Variants in MLIP observed in about 807,000 individuals in gnomAD.
The protein encoded by MLIP is muscular LMNA-interacting protein.
A neutral mutation model predicts 84.8 loss-of-function variants in MLIP; 79 were observed. The ratio of observed to expected loss-of-function variants is 0.93; its 90% CI spans 0.78 to 1.12. The LOEUF (loss-of-function observed/expected upper bound fraction) is 1.12, where lower values mean the gene tolerates loss of function less well. MLIP is among the 50% of genes most tolerant of loss of function. MLIP has a pLI of 0.00. For synonymous variants in MLIP, 504 were observed against 463.0 expected, an observed-to-expected ratio of 1.09 and a Z score of -1.14; for missense variants, 1,257 against 1,160.6, an observed-to-expected ratio of 1.08 and a Z score of -1.21.
intron 10 of MLIP, among the ~76,000 whole-genome samples, chr6:54,190,985 T>C (rs900923414): frequency 1.1e-4 from 17 of 151,850 alleles, no homozygotes; most frequent in African/African-American, 2.7e-4. Flanking sequence ...TTAGTAGAGA[T>C]GGGGTTTCAC....
intron 9 of MLIP, among the ~76,000 whole-genome samples, chr6:54,187,452 A>G (rs983586758): frequency 6.6e-6 from 1 of 152,216 alleles, no homozygotes; most frequent in Non-Finnish European, 1.5e-5. Context: ...TATATTTAAA[A>G]CATTAAACAT....
At chr6:54,116,274 T>C (rs1769912575) in intron 1 of MLIP, among the ~76,000 whole-genome samples, 1 of 152,174 alleles carries the variant, frequency 6.6e-6, no homozygotes, top group African/African-American at 2.4e-5. Context: ...AGTGTTACTC[T>C]GACAAGAAGG....
intron 1 of MLIP, among the ~76,000 whole-genome samples, chr6:54,121,173 A>T (rs1382125424): frequency 6.6e-6 from 1 of 152,172 alleles, no homozygotes; most frequent in Non-Finnish European, 1.5e-5. Flanking sequence ...GTGAGATTCC[A>T]GCTGATCAGC....
chr6:54,136,640 C>CA (rs1185626108), intron 3 of MLIP, 75 bp from the exon 4 acceptor site: 9 of 1,316,440 alleles, frequency 6.8e-6, no homozygotes, highest in Admixed American at 2.9e-5. Flanking sequence ...TGTATAATCG[C>CA]ACAAGTGACA....
At chr6:54,044,809 A>G (rs1764942636) in intron 1 of MLIP, among the ~76,000 whole-genome samples, 1 of 152,206 alleles carries the variant, frequency 6.6e-6, no homozygotes. Context: ...TGGAAAGGAC[A>G]GAGGGAACTA....
intron 1 of MLIP, among the ~76,000 whole-genome samples, chr6:54,058,564 T>C (rs1166469080): frequency 2.6e-5 from 4 of 152,218 alleles, no homozygotes; most frequent in Non-Finnish European, 5.9e-5. Flanking sequence ...TTTAAACAAG[T>C]AGCTATGTGA....
At chr6:54,246,877 A>G (rs1286861555) in intron 12 of MLIP, among the ~76,000 whole-genome samples, 4 of 151,966 alleles carry the variant, frequency 2.6e-5, no homozygotes, top group Admixed American at 1.3e-4. Context: ...CTAGGTGTTT[A>G]TTTCTGACAT....
chr6:54,238,465 T>C (rs1781508660), intron 12 of MLIP, among the ~76,000 whole-genome samples: 1 of 152,196 alleles, frequency 6.6e-6, no homozygotes, highest in Non-Finnish European at 1.5e-5. Flanking sequence ...TCCAACTACA[T>C]TTTCTCCCTT....
At chr6:54,202,031 A>G in intron 10 of MLIP, 74 bp from the exon 11 acceptor site, 1 of 1,098,112 alleles carries the variant, frequency 9.1e-7, no homozygotes, top group Non-Finnish European at 1.2e-6. Flanking sequence ...TGAATGACTT[A>G]ACAATAAACA....
rs55638634 is a variant in MLIP at position 54,173,921 on chromosome 6, G to A, written c.2544+4349G>A. Among the ~76,000 whole-genome samples the A allele has an allele frequency of 5.0e-3, 737 of 146,670 alleles. 3 individuals are homozygous for A. Among genetic ancestry groups the A allele is most frequent in the Non-Finnish European group, 8.4e-3 (561 of 66,936 alleles). ...CCCAGCCTCTGGTAACCATTCTTCT[G>A]CTCTCTATCTCCATGAGTTCAATTG... is the stretch of plus-strand genomic sequence containing the variant. On this transcript the variant is annotated intron_variant, in intron 9 of 13. Transcript: ENST00000502396.
intron 1 of MLIP, among the ~76,000 whole-genome samples, chr6:54,118,679 C>T (rs1402572758): frequency 2.6e-5 from 4 of 151,916 alleles, no homozygotes; most frequent in African/African-American, 9.7e-5. Context: ...TTTTAGCAAA[C>T]TAAAAAGCTT....
intron 11 of MLIP, among the ~76,000 whole-genome samples, chr6:54,225,076 A>T (rs1266758458): frequency 6.6e-6 from 1 of 152,150 alleles, no homozygotes; most frequent in Non-Finnish European, 1.5e-5. Flanking sequence ...TTTTTGAATA[A>T]TGACTTCTTT....
At chr6:54,072,274 C>A (rs942701902) in intron 1 of MLIP, among the ~76,000 whole-genome samples, 1 of 152,148 alleles carries the variant, frequency 6.6e-6, no homozygotes, top group African/African-American at 2.4e-5. Context: ...TCCAGCCCCT[C>A]ATGCTCAAGA....
At chr6:54,026,714 A>AGTGTGTGTGT (rs61442646) in intron 1 of MLIP, among the ~76,000 whole-genome samples, 3 of 149,806 alleles carry the variant, frequency 2.0e-5, no homozygotes, top group Non-Finnish European at 3.0e-5. Context: ...CTGTGTCTTC[A>AGTGTGTGTGT]GTGTGTGTGT....
intron 12 of MLIP, among the ~76,000 whole-genome samples, chr6:54,238,312 C>T (rs1781500085): frequency 6.6e-6 from 1 of 152,140 alleles, no homozygotes; most frequent in African/African-American, 2.4e-5. Context: ...CCATTCACCC[C>T]TTCTCATTTC....
intron 12 of MLIP, among the ~76,000 whole-genome samples, chr6:54,247,203 C>T (rs367953240): frequency 3.3e-5 from 5 of 152,154 alleles, no homozygotes; most frequent in African/African-American, 9.7e-5. Flanking sequence ...GTACTATGAA[C>T]ATTTTTCTTC....
intron 1 of MLIP, among the ~76,000 whole-genome samples, chr6:54,088,124 A>G (rs1156231954): frequency 1.3e-5 from 2 of 152,176 alleles, no homozygotes; most frequent in African/African-American, 4.8e-5. Flanking sequence ...AGTTTATGCA[A>G]GGTGGTTTCA....
intron 8 of MLIP, among the ~76,000 whole-genome samples, chr6:54,162,327 T>C (rs1411753720): frequency 6.6e-6 from 1 of 151,926 alleles, no homozygotes; most frequent in Non-Finnish European, 1.5e-5. Context: ...TTAGTGTGTA[T>C]GAAAATAAAG....
intron 12 of MLIP, among the ~76,000 whole-genome samples, chr6:54,239,807 A>G (rs1257433028): frequency 6.6e-6 from 1 of 151,974 alleles, no homozygotes; most frequent in Non-Finnish European, 1.5e-5. Context: ...ATAAAAAATA[A>G]AATAAAATAA....
Sources: gnomAD v4.1 joint callset for allele counts (sites outside exome capture counted in the v4.1 genomes callset) on GRCh38, gnomAD v4.1.1 for gene constraint, MANE v1.5 for transcripts, NCBI Gene and HGNC (gene_info 2026-07-23, HGNC 2026-07-21) for gene names.